KIF26B: variants seen among roughly 807,000 people sequenced by gnomAD.
KIF26B encodes kinesin-like protein KIF26B.
A neutral mutation model predicts 151.2 loss-of-function variants in KIF26B; 63 were observed. That is an observed-to-expected ratio of 0.42 (90% CI 0.34 to 0.51). The LOEUF (loss-of-function observed/expected upper bound fraction) is 0.51, where lower values mean the gene tolerates loss of function less well. KIF26B is among the 20% of genes least tolerant of loss of function. KIF26B has a pLI of 0.07. For synonymous variants in KIF26B, 1,357 were observed against 1,262.1 expected (o/e 1.08, Z -1.59); for missense variants, 2,813 against 2,913.6 (o/e 0.97, Z 0.79).
rs1269441542 is a variant in KIF26B at position 245,355,521 on chromosome 1, AGGAGAGTGAGGCTGCAGTGAG to A, written c.466-11312_466-11292del. Among the ~76,000 whole-genome samples, 5 of 150,980 alleles carry A rather than the reference AGGAGAGTGAGGCTGCAGTGAG, an allele frequency of 3.3e-5. No homozygotes were observed. The East Asian group carries it at 9.8e-4, about 30-fold the overall frequency. On this transcript the variant is annotated intron_variant, in intron 2 of 14. Transcript: ENST00000407071. Reference sequence around the variant, plus strand: ...TGAGGTGGGAGGACCATTTGAGCCCAGGAGAGTGAGGCTGCAGTGAGCTGTGATCACGCCACTGCATTTCAG... The same window carrying A: ...TGAGGTGGGAGGACCATTTGAGCCCACTGTGATCACGCCACTGCATTTCAG...
At chr1:245,579,282 G>A (rs938830390) in intron 5 of KIF26B, among the ~76,000 whole-genome samples, 1 of 152,124 alleles carries the variant, frequency 6.6e-6, no homozygotes, top group African/African-American at 2.4e-5. Flanking sequence ...AGAAAAATTA[G>A]TGTTTATCCC....
chr1:245,163,554 A>G (rs1188687482), intron 2 of KIF26B, among the ~76,000 whole-genome samples: 3 of 147,626 alleles, frequency 2.0e-5, no homozygotes, highest in African/African-American at 4.9e-5. Flanking sequence ...CCTAACTCCA[A>G]TTTTTTTTTT....
At chr1:245,314,615 G>A (rs1167461884) in intron 2 of KIF26B, among the ~76,000 whole-genome samples, 1 of 152,110 alleles carries the variant, frequency 6.6e-6, no homozygotes, top group East Asian at 1.9e-4. Context: ...GTGAGGGGAC[G>A]TCTCCTGGCT....
At chr1:245,175,184 G>A (rs1043365168) in intron 2 of KIF26B, among the ~76,000 whole-genome samples, 1 of 152,124 alleles carries the variant, frequency 6.6e-6, no homozygotes, top group Non-Finnish European at 1.5e-5. Flanking sequence ...TGCTGATGTG[G>A]CCCAGATTCA....
intron 2 of KIF26B, among the ~76,000 whole-genome samples, chr1:245,222,816 A>C (rs981889083): frequency 1.1e-4 from 16 of 152,226 alleles, no homozygotes; most frequent in African/African-American, 3.9e-4. Context: ...TTACAATATA[A>C]TATTAAGTGC....
intron 2 of KIF26B, among the ~76,000 whole-genome samples, chr1:245,189,635 C>T (rs1325787992): frequency 1.3e-5 from 2 of 152,186 alleles, no homozygotes. Flanking sequence ...GGTAAGCCCC[C>T]TACCACCTGT....
At chr1:245,245,101 A>C (rs1670299735) in intron 2 of KIF26B, among the ~76,000 whole-genome samples, 2 of 152,222 alleles carry the variant, frequency 1.3e-5, no homozygotes, top group African/African-American at 4.8e-5. Context: ...CTCAGAAGAA[A>C]AAAGAACTTG....
At chr1:245,214,866 G>A (rs747312610) in intron 2 of KIF26B, among the ~76,000 whole-genome samples, 1 of 152,018 alleles carries the variant, frequency 6.6e-6, no homozygotes, top group Non-Finnish European at 1.5e-5. Flanking sequence ...AATAAATAAC[G>A]ACATAGAAGA....
chr1:245,389,053 G>A (rs1224447157), intron 3 of KIF26B, among the ~76,000 whole-genome samples: 3 of 152,102 alleles, frequency 2.0e-5, no homozygotes, highest in South Asian at 2.1e-4. Flanking sequence ...GGAAAGTTCC[G>A]TTTTGTTAGC....
At chr1:245,325,080 G>C (rs1671960058) in intron 2 of KIF26B, among the ~76,000 whole-genome samples, 1 of 131,170 alleles carries the variant, frequency 7.6e-6, no homozygotes, top group Admixed American at 8.3e-5. Flanking sequence ...GGACGACAAA[G>C]CCAGACCTTG....
At chr1:245,520,207 A>G (rs1661060944) in intron 4 of KIF26B, among the ~76,000 whole-genome samples, 1 of 151,874 alleles carries the variant, frequency 6.6e-6, no homozygotes, top group Non-Finnish European at 1.5e-5. Context: ...GGAAAAAAAA[A>G]ATAATCGAAT....
chr1:245,641,475 T>A (rs1336013961), intron 9 of KIF26B, among the ~76,000 whole-genome samples: 3 of 152,168 alleles, frequency 2.0e-5, no homozygotes, highest in Non-Finnish European at 4.4e-5. Flanking sequence ...AAATATTTGC[T>A]CTTTTGATGT....
In KIF26B at chr1:245,581,451, TAGAG is replaced by T. The variant is rs562671516; in HGVS notation, c.1351-21124_1351-21121del. ...GAGAAATAGAAGATAGGTAGATAGA[TAGAG>T]AAAGAAGCTTGCGTGTGTTTGTTTC... On this transcript the variant is annotated intron_variant, in intron 5 of 14. Coordinates refer to ENST00000407071, the MANE Select transcript of KIF26B (RefSeq NM_018012.4). 5.4e-3 allele frequency among the ~76,000 whole-genome samples: 806 copies of T among 150,546 alleles called. 5 individuals are homozygous for T. Among genetic ancestry groups the T allele is most frequent in the Non-Finnish European group, 8.6e-3 (580 of 67,582 alleles).
intron 10 of KIF26B, among the ~76,000 whole-genome samples, chr1:245,657,025 G>A (rs543972416): frequency 9.2e-5 from 14 of 152,192 alleles, no homozygotes; most frequent in African/African-American, 2.9e-4. Flanking sequence ...AGGAATAGTC[G>A]GCTTTTAAGA....
intron 2 of KIF26B, among the ~76,000 whole-genome samples, chr1:245,177,602 C>G (rs1668832646): frequency 6.6e-6 from 1 of 151,996 alleles, no homozygotes; most frequent in Non-Finnish European, 1.5e-5. Flanking sequence ...ATTTACCTCA[C>G]TGTATGTGAA....
intron 2 of KIF26B, among the ~76,000 whole-genome samples, chr1:245,303,471 T>G (rs1375991161): frequency 2.0e-5 from 3 of 150,922 alleles, no homozygotes; most frequent in South Asian, 2.1e-4. Context: ...GTGCTGGGAT[T>G]ACAGGCGTAA....
chr1:245,451,571 T>A (rs1436569159), intron 4 of KIF26B, among the ~76,000 whole-genome samples: 1 of 147,780 alleles, frequency 6.8e-6, no homozygotes. Context: ...ATAATATGTA[T>A]CCAGAAGATC....
At chr1:245,357,812 G>A (rs182683134) in intron 2 of KIF26B, among the ~76,000 whole-genome samples, 2 of 152,298 alleles carry the variant, frequency 1.3e-5, no homozygotes, top group East Asian at 1.9e-4. Context: ...AAGGTGGCCT[G>A]AAGAAAATTG....
intron 4 of KIF26B, among the ~76,000 whole-genome samples, chr1:245,451,596 T>C (rs1049525359): frequency 7.1e-6 from 1 of 141,312 alleles, no homozygotes; most frequent in Non-Finnish European, 1.5e-5. Context: ...TTTTTTTTTT[T>C]TTTTTTTTTT....
Sources: allele counts gnomAD v4.1 joint callset (sites outside exome capture counted in the v4.1 genomes callset), GRCh38; gene constraint gnomAD v4.1.1; transcripts MANE v1.5; gene names NCBI Gene and HGNC (gene_info 2026-07-23, HGNC 2026-07-21).